FSIP1: variants seen among roughly 807,000 people sequenced by gnomAD.
FSIP1 encodes fibrous sheath-interacting protein 1.
Under a neutral mutation model 60.9 loss-of-function variants are expected in FSIP1, and 65 were observed. The observed-to-expected ratio is 1.07, with a 90% CI of 0.87 to 1.31. FSIP1 has a LOEUF of 1.31. Ranked by LOEUF, FSIP1 falls within the 40% of genes most tolerant of loss-of-function variation. FSIP1 has a pLI of 0.00. For synonymous variants in FSIP1, 209 were observed against 221.2 expected (o/e 0.94, Z 0.49); for missense variants, 675 against 665.5 (o/e 1.01, Z -0.16).
At chr15:39,662,887 C>A (rs1159146294) in intron 10 of FSIP1, among the ~76,000 whole-genome samples, 3 of 152,052 alleles carry the variant, frequency 2.0e-5, no homozygotes, top group African/African-American at 7.2e-5. Flanking sequence ...AAATAAGAGA[C>A]CATAAATCAA....
rs555313371 is a variant in FSIP1, at chr15:39,615,434, A to T, written c.1699+2301T>A. Among the ~76,000 whole-genome samples the T allele has an allele frequency of 4.2e-4, 64 of 150,890 alleles. 1 individual carries two copies. The South Asian group carries it at 7.7e-3, about 18-fold the overall frequency. ...AATAGCAAAAAAAAAAAAAAAAATT[A>T]AAAAATAGGCAAAAGACCTGAACAG... On this transcript the variant is annotated intron_variant, in intron 11 of 11. Coordinates refer to ENST00000350221, the MANE Select transcript of FSIP1 (RefSeq NM_152597.5).
intron 5 of FSIP1, chr15:39,747,394 T>C (rs565208112): frequency 1.3e-5 from 2 of 152,308 alleles, no homozygotes; most frequent in South Asian, 4.1e-4. Context: ...ATAGAGTAAT[T>C]CTTGGATTTA....
In FSIP1 at chr15:39,671,478, T is replaced by G. The variant is rs528587352; in HGVS notation, c.1188+41966A>C. Among the ~76,000 whole-genome samples, 3 of 152,316 alleles carry G rather than the reference T, an allele frequency of 2.0e-5. No individual in the cohort carries two copies. The East Asian group carries it at 5.8e-4, about 29-fold the overall frequency. On this transcript the variant is annotated intron_variant, in intron 10 of 11. Coordinates refer to ENST00000350221, the MANE Select transcript of FSIP1 (RefSeq NM_152597.5). ...AGACTATGTTAATGTTTAATTTGGTTATATTTTAAAAAACCTGAAGGCTCC... is the reference window on the plus strand; with the variant it reads ...AGACTATGTTAATGTTTAATTTGGTGATATTTTAAAAAACCTGAAGGCTCC...
At chr15:39,648,193 T>C (rs1892706767) in intron 10 of FSIP1, among the ~76,000 whole-genome samples, 1 of 140,820 alleles carries the variant, frequency 7.1e-6, no homozygotes, top group South Asian at 2.3e-4. Context: ...AAAAAAAGAA[T>C]CTAGTATAAA....
At chr15:39,760,068 A>G (rs1227805035) in intron 5 of FSIP1, among the ~76,000 whole-genome samples, 2 of 152,200 alleles carry the variant, frequency 1.3e-5, no homozygotes, top group Non-Finnish European at 2.9e-5. Flanking sequence ...AACATGTGTA[A>G]TTTAAAAAAT....
chr15:39,651,734 T>C (rs1754368681), intron 10 of FSIP1, among the ~76,000 whole-genome samples: 1 of 152,242 alleles, frequency 6.6e-6, no homozygotes, highest in Non-Finnish European at 1.5e-5. Flanking sequence ...CTCTGGAGAT[T>C]ACCTCACTTC....
intron 8 of FSIP1, among the ~76,000 whole-genome samples, chr15:39,726,977 A>T (rs959988388): frequency 7.9e-5 from 12 of 152,220 alleles, no homozygotes; most frequent in Admixed American, 7.2e-4. Context: ...TAATATTTTA[A>T]GGGGGGTTTC....
At chr15:39,607,318 T>C (rs555313475) in intron 11 of FSIP1, among the ~76,000 whole-genome samples, 3 of 152,328 alleles carry the variant, frequency 2.0e-5, no homozygotes, top group Non-Finnish European at 2.9e-5. Flanking sequence ...AGGCATAGCA[T>C]TGGAAGCCTG....
intron 1 of FSIP1, 77 bp from the exon 2 acceptor site, chr15:39,776,608 A>G: frequency 7.8e-7 from 1 of 1,275,744 alleles, no homozygotes; most frequent in Non-Finnish European, 1.1e-6. Context: ...TTAATATCCA[A>G]TTACTCAGAG....
chr15:39,770,668 T>C, intron 2 of FSIP1, 58 bp from the exon 3 acceptor site: 1 of 1,137,222 alleles, frequency 8.8e-7, no homozygotes, highest in Non-Finnish European at 1.2e-6. Flanking sequence ...TTTTAAACTT[T>C]ACATTTCTAG....
At chr15:39,728,351 C>G (rs950215243) in intron 8 of FSIP1, among the ~76,000 whole-genome samples, 4 of 152,152 alleles carry the variant, frequency 2.6e-5, no homozygotes, top group Non-Finnish European at 4.4e-5. Context: ...GCAAAAAGAA[C>G]AAAGCTGGAG....
Position 39,711,676 on chromosome 15 carries a change from C to CTTTTTTTTTTTTTTTTTTTTTTTTTTTTT in FSIP1, c.1188+1767_1188+1768insAAAAAAAAAAAAAAAAAAAAAAAAAAAAA, listed in dbSNP as rs66840718. On this transcript the variant is annotated intron_variant, in intron 10 of 11. Coordinates refer to ENST00000350221, the MANE Select transcript of FSIP1 (RefSeq NM_152597.5). Reference sequence around the variant, plus strand: ...TTACACTTCCCTACCATTCCTACTTCTTTTTTTTTTTTTTTTTTTTTTTTG... The same window carrying CTTTTTTTTTTTTTTTTTTTTTTTTTTTTT: ...TTACACTTCCCTACCATTCCTACTTCTTTTTTTTTTTTTTTTTTTTTTTTTTTTTTTTTTTTTTTTTTTTTTTTTTTTTG... 2.3e-5 allele frequency among the ~76,000 whole-genome samples: 2 copies of CTTTTTTTTTTTTTTTTTTTTTTTTTTTTT among 85,734 alleles called. 1 individual carries two copies. Among genetic ancestry groups the CTTTTTTTTTTTTTTTTTTTTTTTTTTTTT allele is most frequent in the Non-Finnish European group, 3.9e-5 (2 of 50,828 alleles). 56.2% of individuals were successfully genotyped at this position (85,734 alleles called of 152,430 possible). A position where few individuals can be genotyped will look rare whatever the true frequency, so the allele number is the denominator to read the frequency against.
chr15:39,609,845 G>A (rs1890962012), intron 11 of FSIP1, among the ~76,000 whole-genome samples: 1 of 152,238 alleles, frequency 6.6e-6, no homozygotes, highest in Admixed American at 6.5e-5. Context: ...AGACCACAGA[G>A]CACAGCCAGA....
intron 9 of FSIP1, among the ~76,000 whole-genome samples, chr15:39,718,236 A>G (rs1325085190): frequency 6.6e-6 from 1 of 151,966 alleles, no homozygotes; most frequent in Non-Finnish European, 1.5e-5. Flanking sequence ...ATAGATATAG[A>G]TACAGATATA....
chr15:39,742,429 C>T (rs921837371), intron 5 of FSIP1, among the ~76,000 whole-genome samples: 2 of 152,166 alleles, frequency 1.3e-5, no homozygotes, highest in African/African-American at 4.8e-5. Flanking sequence ...ATAGATAGGA[C>T]ATTGTGTTTT....
chr15:39,659,605 T>C (rs1893212313), intron 10 of FSIP1, among the ~76,000 whole-genome samples: 1 of 137,318 alleles, frequency 7.3e-6, no homozygotes, highest in African/African-American at 2.7e-5. Context: ...ATTTGAATTA[T>C]ATCTCAATAA....
chr15:39,776,218 G>GAGGGAGGGAGGGAGGGAGGGAAGA (rs1898057738), intron 2 of FSIP1, among the ~76,000 whole-genome samples, 181 bp downstream of exon 2: 1 of 139,758 alleles, frequency 7.2e-6, no homozygotes, highest in Non-Finnish European at 1.5e-5. Context: ...GGGAGGGAGG[G>GAGGGAGGGAGGGAGGGAGGGAAGA]AAGGAATGGA....
At chr15:39,648,567 C>T (rs1892729012) in intron 10 of FSIP1, among the ~76,000 whole-genome samples, 1 of 152,162 alleles carries the variant, frequency 6.6e-6, no homozygotes, top group African/African-American at 2.4e-5. Context: ...ACAAGTATAG[C>T]AGTTAAGAAC....
intron 10 of FSIP1, among the ~76,000 whole-genome samples, chr15:39,687,482 C>T (rs1377242952): frequency 1.3e-5 from 2 of 152,150 alleles, no homozygotes; most frequent in African/African-American, 2.4e-5. Context: ...CTGAGGCAAG[C>T]GTCTAGAATC....
Sources: allele counts gnomAD v4.1 joint callset (sites outside exome capture counted in the v4.1 genomes callset), GRCh38; gene constraint gnomAD v4.1.1; transcripts MANE v1.5; gene names NCBI Gene and HGNC (gene_info 2026-07-23, HGNC 2026-07-21).